The following PDE1B variants were observed in gnomAD, a reference collection of about 807,000 sequenced individuals.
The protein encoded by PDE1B is phosphodiesterase 1B, also known as dual specificity calcium/calmodulin-dependent 3',5'-cyclic nucleotide phosphodiesterase 1B.
A neutral mutation model predicts 66.7 loss-of-function variants in PDE1B; 13 were observed. That is an observed-to-expected ratio of 0.19 (90% CI 0.13 to 0.31). The LOEUF (loss-of-function observed/expected upper bound fraction) is 0.31, where lower values mean the gene tolerates loss of function less well. PDE1B is among the 10% of genes least tolerant of loss of function. The probability of loss-of-function intolerance (pLI) is 1.00; values close to 1 mark genes in which losing one functional copy is unlikely to be tolerated. For synonymous variants in PDE1B, 230 were observed against 253.9 expected (o/e 0.91, Z 0.90); for missense variants, 485 against 682.3 (o/e 0.71, Z 3.22).
Position 54,569,785 on chromosome 12 carries a change from C to T in PDE1B, c.477+173C>T, listed in dbSNP as rs1294902015. Among the ~76,000 whole-genome samples, 7 of 151,948 alleles carry T rather than the reference C, an allele frequency of 4.6e-5. No individual in the cohort carries two copies. Among genetic ancestry groups the T allele is most frequent in the South Asian group, 2.1e-4 (1 of 4,812 alleles). ...TGGCGTGATCTCGTCTCACTGCAAC[C>T]TCTGCCTCCCTGCAAGCGATTCTCC... On this transcript the variant is annotated intron_variant, in intron 5 of 15. Coordinates refer to ENST00000243052, the MANE Select transcript of PDE1B (RefSeq NM_000924.4). The surrounding 1 kb of genome is among the most constrained non-coding windows in gnomAD (Gnocchi z 4.4).
At chr12:54,566,712 C>T (rs543301674) in intron 2 of PDE1B, among the ~76,000 whole-genome samples, 4 of 152,144 alleles carry the variant, frequency 2.6e-5, no homozygotes, top group East Asian at 3.9e-4. Context: ...GAGCGGGTTT[C>T]GAGAAGTCAG....
chr12:54,565,121 G>A (rs1957491339), intron 2 of PDE1B, among the ~76,000 whole-genome samples: 2 of 152,242 alleles, frequency 1.3e-5, no homozygotes, highest in Admixed American at 6.5e-5. Flanking sequence ...CCAGTGCTGG[G>A]ATGTGGGTTT....
At chr12:54,559,651 C>T in intron 2 of PDE1B, among the ~76,000 whole-genome samples, 1 of 152,174 alleles carries the variant, frequency 6.6e-6, no homozygotes. Flanking sequence ...AGCCATTCGT[C>T]CAACCAGCTT....
chr12:54,576,788 G>A, intron 14 of PDE1B, 87 bp downstream of exon 14: 1 of 1,418,928 alleles, frequency 7.0e-7, no homozygotes, highest in Non-Finnish European at 9.7e-7. Context: ...AAGCCCCTGG[G>A]GAAACCCTTT....
At chr12:54,577,500 G>T in intron 15 of PDE1B, 155 bp downstream of exon 15, 1 of 1,590,920 alleles carries the variant, frequency 6.3e-7, no homozygotes, top group African/African-American at 1.3e-5. Flanking sequence ...CAAAGTGTGG[G>T]TGGAGCAGGG....
intron 3 of PDE1B, among the ~76,000 whole-genome samples, chr12:54,567,482 TGACAGAGCAA>T (rs1253337357): frequency 6.6e-6 from 1 of 150,592 alleles, no homozygotes; most frequent in African/African-American, 2.4e-5. Flanking sequence ...CAGCCTGGTG[TGACAGAGCAA>T]GACCCTGTCT....
Position 54,576,642 on chromosome 12 carries a change from C to A in PDE1B, c.1448C>A (p.Ser483Tyr). The A allele has an allele frequency of 2.5e-6, 4 of 1,613,974 alleles. No individual in the cohort carries two copies. Among genetic ancestry groups the A allele is most frequent in the Non-Finnish European group, 3.4e-6 (4 of 1,179,960 alleles). The change falls in exon 14 of 16, where the codon TCC becomes TAC. Residue 483 changes from serine (S) to tyrosine (Y), a missense_variant. Around this residue, in one of 4 missense-constraint regions of PDE1B, gnomAD observed 126 missense variants for 133.8 expected, o/e 0.94. Transcript: ENST00000243052. The stretch of plus-strand genomic sequence containing the variant: ...AACCCTGATGTGGTCAGCTTTCGTT[C>A]CACCTGGGTCAAGCGCATTCAGGAG... ...DPNPDVVSFR[S>Y]TWVKRIQENK... is the part of the protein sequence containing the mutation.
intron 2 of PDE1B, among the ~76,000 whole-genome samples, chr12:54,555,161 A>G (rs553682699): frequency 8.0e-4 from 122 of 152,274 alleles, no homozygotes; most frequent in Middle Eastern, 6.8e-3. Context: ...TTTTTTCCCA[A>G]TGGTCAAACT....
intron 2 of PDE1B, among the ~76,000 whole-genome samples, chr12:54,562,902 C>G (rs1291976388): frequency 6.6e-6 from 1 of 152,198 alleles, no homozygotes; most frequent in African/African-American, 2.4e-5. Context: ...TCAACAGAAG[C>G]TATACAAGAG....
Position 54,573,922 on chromosome 12 carries a change from T to G in PDE1B, c.1064+213T>G. 2 of 552,372 alleles carry G rather than the reference T, an allele frequency of 3.6e-6. No homozygotes were observed. Among genetic ancestry groups the G allele is most frequent in the Non-Finnish European group, 6.5e-6 (2 of 308,972 alleles). The allele number at this position is 552,372 out of a possible 1,614,324, so 34.2% of individuals were successfully genotyped here. A position where few individuals can be genotyped will look rare whatever the true frequency, so the allele number is the denominator to read the frequency against. Reference sequence around the variant, plus strand: ...GTGTGTGTGTGTGTGTCCTTACGTTTACTCACAGCCTTGGCAGCTGATCCA... The same window carrying G: ...GTGTGTGTGTGTGTGTCCTTACGTTGACTCACAGCCTTGGCAGCTGATCCA... On this transcript the variant is annotated intron_variant, in intron 10 of 15. Transcript: ENST00000243052. The surrounding 1 kb of genome is among the most constrained non-coding windows in gnomAD (Gnocchi z 5.2).
intron 6 of PDE1B, 110 bp from the exon 7 acceptor site, chr12:54,572,491 T>C: frequency 9.7e-7 from 1 of 1,032,644 alleles, no homozygotes; most frequent in Non-Finnish European, 1.5e-6. Context: ...GGTTCTGTGC[T>C]CTCTCCCTAT....
chr12:54,561,368 C>T (rs1041857945), intron 2 of PDE1B: 1 of 814,256 alleles, frequency 1.2e-6, no homozygotes, highest in Non-Finnish European at 1.7e-6. Flanking sequence ...CCGCAGCCTC[C>T]CCTCTCACCC....
At chr12:54,550,229 G>C in intron 2 of PDE1B, 1 of 1,363,582 alleles carries the variant, frequency 7.3e-7, no homozygotes, top group Non-Finnish European at 9.5e-7. Flanking sequence ...TGTGCCTGTG[G>C]ACCCCAGGCT....
chr12:54,553,361 G>A (rs1253114330), intron 2 of PDE1B, among the ~76,000 whole-genome samples: 1 of 152,124 alleles, frequency 6.6e-6, no homozygotes, highest in Admixed American at 6.5e-5. Flanking sequence ...CCCTTCCTTT[G>A]GGACAGTATA....
intron 6 of PDE1B, 136 bp downstream of exon 6, chr12:54,570,493 C>CTG (rs1338544196): frequency 6.0e-6 from 4 of 662,042 alleles, no homozygotes; most frequent in Non-Finnish European, 1.1e-5. Flanking sequence ...CCCATGCCCA[C>CTG]GCCCAGCCTA....
At chr12:54,576,739 G>T (rs1207045992) in intron 14 of PDE1B, 38 bp downstream of exon 14, 2 of 1,570,574 alleles carry the variant, frequency 1.3e-6, no homozygotes, top group South Asian at 1.2e-5. Context: ...GAGAACTTGT[G>T]TGGGTGGATC....
chr12:54,555,055 G>C lies in PDE1B; in HGVS notation c.113+5070G>C, dbSNP rs76408204. On this transcript the variant is annotated intron_variant, in intron 2 of 15. Coordinates refer to ENST00000243052, the MANE Select transcript of PDE1B (RefSeq NM_000924.4). ...GAGTGAAGGCATGTGTCTGAACTTA[G>C]AGACCAGAAGGATAGGTGGGACTAG... is the stretch of plus-strand genomic sequence containing the variant. Among the ~76,000 whole-genome samples, 15 of 152,316 alleles carry C rather than the reference G, an allele frequency of 9.8e-5. No homozygotes were observed. In the East Asian group the frequency reaches 2.9e-3, roughly 29 times the overall value.
rs115481291 is a variant in PDE1B, at chr12:54,573,216, G to A, written c.804G>A (p.Thr268=). Residue 268 remains threonine (T), a synonymous_variant, in exon 8 of 16, where the codon ACG becomes ACA. Transcript: ENST00000243052. This position sits in a 1 kb window ranked among gnomAD's most constrained non-coding sequence, Gnocchi z 5.2. ...FAAAIHDYEH[T]GTTNSFHIQT... Reference sequence around the variant, plus strand: ...CAGCTATCCATGATTATGAGCACACGGGCACTACCAACAGCTTCCACATCC... The same window carrying A: ...CAGCTATCCATGATTATGAGCACACAGGCACTACCAACAGCTTCCACATCC... The A allele has an allele frequency of 2.6e-4, 416 of 1,614,018 alleles. 1 individual carries two copies. In the African/African-American group the frequency reaches 4.8e-3, roughly 19 times the overall value.
chr12:54,560,705 C>A (rs61923503), intron 2 of PDE1B, among the ~76,000 whole-genome samples: 5 of 152,234 alleles, frequency 3.3e-5, no homozygotes, highest in South Asian at 4.1e-4. Flanking sequence ...TCCTGGTCCT[C>A]AGACCCCTTC....
Sources: gnomAD v4.1 joint callset for allele counts (sites outside exome capture counted in the v4.1 genomes callset) on GRCh38, gnomAD v4.1.1 for gene constraint, gnomAD v4.1.1 regional missense constraint, Gnocchi (gnomAD v3.1) non-coding constraint, MANE v1.5 for transcripts, NCBI Gene and HGNC (gene_info 2026-07-23, HGNC 2026-07-21) for gene names.